Variants in ANKH observed in about 807,000 individuals in gnomAD.
ANKH encodes mineralization regulator ANKH.
In ANKH, 15 loss-of-function variants were observed where a neutral mutation model predicts 49.0. The ratio of observed to expected loss-of-function variants is 0.31; its 90% confidence interval spans 0.20 to 0.47. The LOEUF (loss-of-function observed/expected upper bound fraction) is 0.47. ANKH is among the 20% of genes least tolerant of loss of function. The pLI, the probability that ANKH is intolerant of heterozygous loss-of-function variation, is 1.00. For synonymous variants in ANKH, 273 were observed against 260.0 expected (o/e 1.05, Z -0.48); for missense variants, 429 against 652.0 (o/e 0.66, Z 3.72).
rs1404880920 is a variant in ANKH, at chr5:14,736,006, C to CTTA, written c.1011+5820_1011+5821insTAA. On this transcript the variant is annotated intron_variant, in intron 8 of 11. Transcript: ENST00000284268. ...AGAAAGATCCAGAGTAAAAACCTAA[C>CTTA]TTTTTTTTTTTTTTTTTTTTTTTTT... Among the ~76,000 whole-genome samples the CTTA allele has an allele frequency of 1.6e-3, 138 of 83,668 alleles. 1 individual carries two copies. Among genetic ancestry groups the CTTA allele is most frequent in the African/African-American group, 7.7e-3 (133 of 17,202 alleles). The allele number at this position is 83,668 out of a possible 152,430, so 54.9% of individuals were successfully genotyped here.
At chr5:14,711,616 C>T (rs539400302) in intron 11 of ANKH, among the ~76,000 whole-genome samples, 2 of 152,354 alleles carry the variant, frequency 1.3e-5, no homozygotes. Context: ...CTGCGCTCTC[C>T]CCGACTCCTC....
chr5:14,717,054 C>A lies in ANKH; in HGVS notation c.1012-219G>T, dbSNP rs145087170. On this transcript the variant is annotated intron_variant, in intron 8 of 11. Transcript: ENST00000284268. ...AGCCATGTCTGTACCCAGGGGACCCCCACGGCAGAGCAGATGTGGCTCCTC... is the reference window on the plus strand; with the variant it reads ...AGCCATGTCTGTACCCAGGGGACCCACACGGCAGAGCAGATGTGGCTCCTC... 4 of 548,706 alleles carry A rather than the reference C, an allele frequency of 7.3e-6. No homozygotes were observed. In the East Asian group the frequency reaches 1.4e-4, roughly 20 times the overall value. 34.0% of individuals were successfully genotyped at this position (548,706 alleles called of 1,614,324 possible). A position where few individuals can be genotyped will look rare whatever the true frequency, so the allele number is the denominator to read the frequency against.
chr5:14,721,937 A>C (rs1195903879), intron 8 of ANKH, among the ~76,000 whole-genome samples: 1 of 147,770 alleles, frequency 6.8e-6, no homozygotes, highest in African/African-American at 2.4e-5. Flanking sequence ...CTCAAAAAAA[A>C]AAAAAAAAAA....
intron 4 of ANKH, among the ~76,000 whole-genome samples, chr5:14,753,668 C>A (rs1299274309): frequency 6.6e-6 from 1 of 152,104 alleles, no homozygotes; most frequent in Non-Finnish European, 1.5e-5. Context: ...TCCACGAATC[C>A]CTTGGCAATG....
chr5:14,784,315 T>C (rs1739903091), intron 1 of ANKH, among the ~76,000 whole-genome samples: 1 of 152,180 alleles, frequency 6.6e-6, no homozygotes, highest in African/African-American at 2.4e-5. Context: ...CTGGTTAATA[T>C]ACGGTGCTAC....
intron 1 of ANKH, among the ~76,000 whole-genome samples, chr5:14,864,959 T>A (rs943414727): frequency 6.6e-6 from 1 of 152,070 alleles, no homozygotes; most frequent in Non-Finnish European, 1.5e-5. Context: ...TCCTCAATTA[T>A]GTTATAAAAA....
chr5:14,796,987 GGCTAATA>G, intron 1 of ANKH: 1 of 1,116,214 alleles, frequency 9.0e-7, no homozygotes, highest in Admixed American at 3.4e-5. Context: ...CCACTGTTTG[GGCTAATA>G]GCATTATCGG....
chr5:14,713,459 C>G lies in ANKH; in HGVS notation c.1265+85G>C. ...CGATTCTAGACGTGCCTGGGGATTT[C>G]CCCTGAAAATGTAGCTGTTAAACCT... is the stretch of plus-strand genomic sequence containing the variant. On this transcript the variant is annotated intron_variant, in intron 10 of 11. Transcript: ENST00000284268. This position sits in a 1 kb window ranked among gnomAD's most constrained non-coding sequence, Gnocchi z 4.4. 6.4e-7 allele frequency: 1 copy of G among 1,559,244 alleles called. No homozygotes were observed. Among genetic ancestry groups the G allele is most frequent in the Non-Finnish European group, 8.8e-7 (1 of 1,141,484 alleles).
At chr5:14,757,586 T>C (rs920278177) in intron 3 of ANKH, among the ~76,000 whole-genome samples, 1 of 151,970 alleles carries the variant, frequency 6.6e-6, no homozygotes, top group Admixed American at 6.6e-5. Flanking sequence ...ATTAAAATAA[T>C]GAAACCCTAC....
chr5:14,813,523 C>T (rs1740947584), intron 1 of ANKH, among the ~76,000 whole-genome samples: 1 of 152,038 alleles, frequency 6.6e-6, no homozygotes, highest in Non-Finnish European at 1.5e-5. Context: ...AAATATGCAA[C>T]AGTGTCCTCA....
At chr5:14,717,001 C>T in intron 8 of ANKH, 166 bp from the exon 9 acceptor site, 2 of 798,832 alleles carry the variant, frequency 2.5e-6, no homozygotes, top group South Asian at 1.5e-5. Context: ...GCTTGACTCT[C>T]TTCTGACCAC....
intron 8 of ANKH, among the ~76,000 whole-genome samples, chr5:14,730,562 GC>G (rs1402442736): frequency 6.6e-6 from 1 of 152,160 alleles, no homozygotes. Flanking sequence ...GTGCATCCAT[GC>G]CTTCACCTGA....
chr5:14,869,392 A>G (rs1735751908), intron 1 of ANKH: 1 of 151,950 alleles, frequency 6.6e-6, no homozygotes, highest in African/African-American at 2.4e-5. Flanking sequence ...TCCACCCTTA[A>G]CTCTGTGATA....
chr5:14,733,235 T>C (rs192095957), intron 8 of ANKH, among the ~76,000 whole-genome samples: 50 of 152,330 alleles, frequency 3.3e-4, no homozygotes, highest in Non-Finnish European at 5.9e-4. Flanking sequence ...TTGTGGTTCT[T>C]TTAGCCTTGT....
chr5:14,861,075 G>T (rs1735474195), intron 1 of ANKH, among the ~76,000 whole-genome samples: 1 of 152,098 alleles, frequency 6.6e-6, no homozygotes, highest in South Asian at 2.1e-4. Context: ...ACCGTGCCCG[G>T]CCTACATATA....
intron 1 of ANKH, among the ~76,000 whole-genome samples, chr5:14,858,885 T>C (rs1371234322): frequency 6.6e-6 from 1 of 151,894 alleles, no homozygotes; most frequent in Admixed American, 6.6e-5. Flanking sequence ...TTCCTTCTTT[T>C]AAAAATGAAA....
In ANKH at chr5:14,770,917, A is replaced by G. The variant is rs932294085; in HGVS notation, c.97-1726T>C. On this transcript the variant is annotated intron_variant, in intron 1 of 11. Transcript: ENST00000284268. This position sits in a 1 kb window ranked among gnomAD's most constrained non-coding sequence, Gnocchi z 4.1. ...TGGCCCTGCCATTTGTCACTCATCC[A>G]ATAGAGACACAATCACATTCATAGA... Among the ~76,000 whole-genome samples the G allele has an allele frequency of 6.6e-6, 1 of 152,260 alleles. No individual in the cohort carries two copies. Among genetic ancestry groups the G allele is most frequent in the Admixed American group, 6.5e-5 (1 of 15,282 alleles).
chr5:14,794,367 G>C (rs1243671082), intron 1 of ANKH, among the ~76,000 whole-genome samples: 1 of 152,262 alleles, frequency 6.6e-6, no homozygotes, highest in African/African-American at 2.4e-5. Flanking sequence ...GGCAGGTGAA[G>C]TGCAGAGAGG....
intron 1 of ANKH, among the ~76,000 whole-genome samples, chr5:14,782,491 T>C (rs1255948958): frequency 6.6e-6 from 1 of 152,130 alleles, no homozygotes; most frequent in African/African-American, 2.4e-5. Flanking sequence ...GTAAAACCCT[T>C]TACTTTGAAT....
Sources: gnomAD v4.1 joint callset for allele counts (sites outside exome capture counted in the v4.1 genomes callset) on GRCh38, gnomAD v4.1.1 for gene constraint, Gnocchi (gnomAD v3.1) non-coding constraint, MANE v1.5 for transcripts, NCBI Gene and HGNC (gene_info 2026-07-23, HGNC 2026-07-21) for gene names.